The following ITFG1 variants were observed in gnomAD, a reference collection of about 807,000 sequenced individuals.
ITFG1 encodes the protein T-cell immunomodulatory protein.
Under a neutral mutation model 81.8 loss-of-function variants are expected in ITFG1, and 34 were observed. The ratio of observed to expected loss-of-function variants is 0.42; its 90% CI spans 0.32 to 0.55. The LOEUF is 0.55. Among genes scored for constraint, ITFG1 ranks in the 20% least tolerant of loss-of-function variants. The probability of loss-of-function intolerance (pLI) is 0.17; values close to 1 mark genes in which losing one functional copy is unlikely to be tolerated. For missense variants in ITFG1, 672 were observed against 755.4 expected (o/e 0.89, Z 1.29); for synonymous variants, 285 against 270.6 (o/e 1.05, Z -0.52).
At chr16:47,430,204 T>C (rs1450477987) in intron 5 of ITFG1, among the ~76,000 whole-genome samples, 3 of 151,680 alleles carry the variant, frequency 2.0e-5, no homozygotes, top group Non-Finnish European at 4.4e-5. Flanking sequence ...ATTATAGGCA[T>C]GTACCACCAT....
intron 14 of ITFG1, among the ~76,000 whole-genome samples, chr16:47,214,501 T>C (rs1965601921): frequency 6.6e-6 from 1 of 152,178 alleles, no homozygotes; most frequent in South Asian, 2.1e-4. Context: ...TTATCAAATA[T>C]TGTTTAGGCA....
In ITFG1 at chr16:47,238,467, G is replaced by C. The variant is rs114574049; in HGVS notation, c.1331-459C>G. Reference sequence around the variant, plus strand: ...TGGGTCAAAGATTTTGGGTACCCTTGATAGCTAATATAGAGAGCATAACTA... The same window carrying C: ...TGGGTCAAAGATTTTGGGTACCCTTCATAGCTAATATAGAGAGCATAACTA... On this transcript the variant is annotated intron_variant, in intron 12 of 17. Coordinates refer to ENST00000320640, the MANE Select transcript of ITFG1 (RefSeq NM_030790.5). 6.8e-3 allele frequency among the ~76,000 whole-genome samples: 1,036 copies of C among 152,188 alleles called. 13 individuals carry two copies. The highest frequency in any genetic ancestry group is 0.023 in the African/African-American group (967 of 41,524).
At chr16:47,223,291 A>C (rs1965715982) in intron 13 of ITFG1, among the ~76,000 whole-genome samples, 1 of 152,214 alleles carries the variant, frequency 6.6e-6, no homozygotes, top group South Asian at 2.1e-4. Context: ...CATCAGAGTG[A>C]ACAGGCAACC....
At chr16:47,228,076 A>C (rs1159552537) in intron 13 of ITFG1, among the ~76,000 whole-genome samples, 1 of 152,138 alleles carries the variant, frequency 6.6e-6, no homozygotes, top group Non-Finnish European at 1.5e-5. Context: ...TTTCCCTCTG[A>C]CTAAGGTAAG....
At chr16:47,315,660 A>G (rs1967342622) in intron 8 of ITFG1, among the ~76,000 whole-genome samples, 1 of 152,274 alleles carries the variant, frequency 6.6e-6, no homozygotes, top group Non-Finnish European at 1.5e-5. Flanking sequence ...ACTCGTGGAA[A>G]CAGCATAATC....
intron 14 of ITFG1, among the ~76,000 whole-genome samples, chr16:47,214,681 T>A (rs1488515702): frequency 3.3e-5 from 5 of 152,196 alleles, no homozygotes; most frequent in Non-Finnish European, 5.9e-5. Context: ...ATGACTCCTC[T>A]GTAATGTAAC....
chr16:47,213,467 C>G (rs1965589080), intron 14 of ITFG1, among the ~76,000 whole-genome samples: 1 of 151,866 alleles, frequency 6.6e-6, no homozygotes, highest in South Asian at 2.1e-4. Flanking sequence ...TGCTGATTTT[C>G]CAACTGTTTG....
intron 10 of ITFG1, chr16:47,299,876 T>C (rs1473105342): frequency 6.6e-6 from 1 of 152,274 alleles, no homozygotes; most frequent in Non-Finnish European, 1.5e-5. Context: ...CCCATAACCT[T>C]GGCTGGAGCC....
chr16:47,162,799 G>C lies in ITFG1; in HGVS notation c.1454-135C>G, dbSNP rs1253115544. The C allele has an allele frequency of 1.1e-5, 8 of 730,758 alleles. No individual in the cohort carries two copies. The East Asian group carries it at 2.4e-4, about 22-fold the overall frequency. The allele number at this position is 730,758 out of a possible 1,614,324, so 45.3% of individuals were successfully genotyped here. ...TTCAAAATGTGAAATGAAAGATACAGGTCATTAATATTAATGATTCACTTT... is the reference window on the plus strand; with the variant it reads ...TTCAAAATGTGAAATGAAAGATACACGTCATTAATATTAATGATTCACTTT... On this transcript the variant is annotated intron_variant, in intron 14 of 17. Coordinates refer to ENST00000320640, the MANE Select transcript of ITFG1 (RefSeq NM_030790.5).
intron 5 of ITFG1, among the ~76,000 whole-genome samples, chr16:47,435,218 A>G (rs1969150261): frequency 6.6e-6 from 1 of 152,228 alleles, no homozygotes. Flanking sequence ...CTTTGTACAA[A>G]TTATAGTTTT....
intron 6 of ITFG1, among the ~76,000 whole-genome samples, chr16:47,376,646 G>T (rs1378250962): frequency 6.6e-6 from 1 of 152,070 alleles, no homozygotes; most frequent in Non-Finnish European, 1.5e-5. Context: ...AAAACGATGA[G>T]GTGGCTTATA....
upstream of ITFG1, chr16:47,461,225 G>A (rs550286041): frequency 3.1e-6 from 3 of 983,416 alleles, no homozygotes; most frequent in African/African-American, 3.3e-5. Flanking sequence ...GTGGAGCTAG[G>A]GTGAAAGCCG....
In ITFG1 at chr16:47,365,771, T is replaced by C; in HGVS notation, c.802+17A>G. ...GAAAGGCAAAAGCCTTTTTTTTTTT[T>C]TTTTACCAAATCTTACCAAAGTCTG... On this transcript the variant is annotated intron_variant, in intron 8 of 17. Coordinates refer to ENST00000320640, the MANE Select transcript of ITFG1 (RefSeq NM_030790.5). 6.7e-7 allele frequency: 1 copy of C among 1,490,274 alleles called. No individual in the cohort carries two copies. Among genetic ancestry groups the C allele is most frequent in the Non-Finnish European group, 9.2e-7 (1 of 1,083,398 alleles). The allele number at this position is 1,490,274 out of a possible 1,614,324, so 92.3% of individuals were successfully genotyped here.
rs540639591 is a variant in ITFG1, at chr16:47,314,834, G to GAA, written c.803-1013_803-1012dup. Among the ~76,000 whole-genome samples the GAA allele has an allele frequency of 4.6e-5, 7 of 152,082 alleles. No homozygotes were observed. In the East Asian group the frequency reaches 1.4e-3, roughly 29 times the overall value. ...CCTGAGGTAGTATATACACTTGGAA[G>GAA]AAAATAAAAGGATTATTAATACAGA... On this transcript the variant is annotated intron_variant, in intron 8 of 17. Coordinates refer to ENST00000320640, the MANE Select transcript of ITFG1 (RefSeq NM_030790.5).
At chr16:47,241,953 C>CAA (rs35881563) in intron 12 of ITFG1, among the ~76,000 whole-genome samples, 53 of 87,180 alleles carry the variant, frequency 6.1e-4, no homozygotes, top group South Asian at 1.1e-3. Context: ...GACTCCGTCT[C>CAA]AAAAAAAAAA....
At chr16:47,172,631 T>A (rs1964975881) in intron 14 of ITFG1, among the ~76,000 whole-genome samples, 1 of 152,144 alleles carries the variant, frequency 6.6e-6, no homozygotes, top group African/African-American at 2.4e-5. Context: ...TCTCTTTTTC[T>A]TATACCCTAT....
intron 10 of ITFG1, among the ~76,000 whole-genome samples, chr16:47,298,367 T>C (rs762788913): frequency 2.0e-5 from 3 of 152,226 alleles, no homozygotes; most frequent in Non-Finnish European, 4.4e-5. Context: ...TCTTTGGGGA[T>C]GCCATAACCC....
At chr16:47,160,763 A>G (rs546572580) in intron 16 of ITFG1, among the ~76,000 whole-genome samples, 2 of 152,262 alleles carry the variant, frequency 1.3e-5, no homozygotes, top group South Asian at 4.2e-4. Flanking sequence ...GGGTTCGGGA[A>G]GCCTTGTTTA....
intron 8 of ITFG1, among the ~76,000 whole-genome samples, chr16:47,338,064 C>T (rs752191094): frequency 8.5e-5 from 13 of 152,204 alleles, no homozygotes; most frequent in South Asian, 8.3e-4. Flanking sequence ...CAGTGACACA[C>T]ATGACAAGGA....
Sources: gnomAD v4.1 joint callset for allele counts (sites outside exome capture counted in the v4.1 genomes callset) on GRCh38, gnomAD v4.1.1 for gene constraint, MANE v1.5 for transcripts, NCBI Gene and HGNC (gene_info 2026-07-23, HGNC 2026-07-21) for gene names.